NEGR1: variants seen among roughly 807,000 people sequenced by gnomAD.
NEGR1 encodes the protein neuronal growth regulator 1.
A neutral mutation model predicts 40.9 loss-of-function variants in NEGR1; 10 were observed. That is an observed-to-expected ratio of 0.24 (90% confidence interval 0.15 to 0.42). NEGR1 has a LOEUF of 0.42. NEGR1 is among the 10% of genes least tolerant of loss of function. The pLI is 1.00. For missense variants in NEGR1, 352 were observed against 438.9 expected (o/e 0.80, Z 1.77); for synonymous variants, 185 against 166.8 (o/e 1.11, Z -0.84).
chr1:71,745,490 TACA>T (rs1655352557), intron 3 of NEGR1, among the ~76,000 whole-genome samples: 2 of 152,210 alleles, frequency 1.3e-5, no homozygotes, highest in African/African-American at 4.8e-5. Flanking sequence ...GTGGGTGATC[TACA>T]ACATCACTGC....
At chr1:71,953,780 T>A (rs1174948620) in intron 1 of NEGR1, among the ~76,000 whole-genome samples, 2 of 152,012 alleles carry the variant, frequency 1.3e-5, no homozygotes, top group African/African-American at 4.8e-5. Flanking sequence ...AAGGCTCAAA[T>A]GATAATTAGC....
chr1:71,679,426 T>A (rs1007972726), intron 4 of NEGR1, among the ~76,000 whole-genome samples: 1 of 152,158 alleles, frequency 6.6e-6, no homozygotes, highest in Admixed American at 6.5e-5. Flanking sequence ...ATAATCTTTT[T>A]TATAAAAGAT....
At chr1:72,275,130 C>T in intron 1 of NEGR1, 1 of 767,324 alleles carries the variant, frequency 1.3e-6, no homozygotes, top group South Asian at 1.4e-5. Context: ...TCTTTATTTC[C>T]CGCACGTACG....
intron 1 of NEGR1, among the ~76,000 whole-genome samples, chr1:72,182,839 T>A (rs1389811253): frequency 5.0e-4 from 2 of 4,032 alleles, no homozygotes; most frequent in South Asian, 0.071. Flanking sequence ...TATATACATA[T>A]ATAGTTAATA....
At chr1:72,090,138 A>G (rs1648408205) in intron 1 of NEGR1, among the ~76,000 whole-genome samples, 1 of 152,010 alleles carries the variant, frequency 6.6e-6, no homozygotes, top group African/African-American at 2.4e-5. Context: ...TTCATTTCTT[A>G]AATATACCTA....
At chr1:71,427,766 A>G (rs1464977234) in intron 6 of NEGR1, among the ~76,000 whole-genome samples, 1 of 152,214 alleles carries the variant, frequency 6.6e-6, no homozygotes, top group African/African-American at 2.4e-5. Context: ...AATTTTGCCA[A>G]CTGTAAAATA....
At chr1:71,827,118 T>C (rs1003562843) in intron 2 of NEGR1, among the ~76,000 whole-genome samples, 1 of 151,740 alleles carries the variant, frequency 6.6e-6, no homozygotes, top group Non-Finnish European at 1.5e-5. Flanking sequence ...AAATCCAGTT[T>C]GGTATGGCTT....
intron 6 of NEGR1, chr1:71,468,765 A>G (rs1646763555): frequency 6.6e-6 from 1 of 152,042 alleles, no homozygotes; most frequent in African/African-American, 2.4e-5. Context: ...TCAAATAAAA[A>G]CTACCCAGCC....
chr1:71,459,727 A>G (rs1232347924), intron 6 of NEGR1, among the ~76,000 whole-genome samples: 2 of 152,144 alleles, frequency 1.3e-5, no homozygotes, highest in Non-Finnish European at 2.9e-5. Context: ...TGAACATCCA[A>G]ATGATTTCTT....
intron 6 of NEGR1, among the ~76,000 whole-genome samples, chr1:71,587,265 C>T (rs1007340199): frequency 6.6e-6 from 1 of 152,112 alleles, no homozygotes; most frequent in East Asian, 1.9e-4. Flanking sequence ...TCATATTCAA[C>T]AAATCAGTTG....
chr1:71,645,392 C>A (rs377671513), intron 4 of NEGR1, among the ~76,000 whole-genome samples: 3 of 151,768 alleles, frequency 2.0e-5, no homozygotes, highest in African/African-American at 7.3e-5. Context: ...AAAAGTTTAC[C>A]CTTTGAAAGC....
chr1:71,718,710 C>T (rs1654356000), intron 3 of NEGR1, among the ~76,000 whole-genome samples: 1 of 151,982 alleles, frequency 6.6e-6, no homozygotes, highest in Admixed American at 6.6e-5. Flanking sequence ...ATAAAAAAGC[C>T]TGCCATTTTT....
At position 72,084,579 on chromosome 1, in the gene NEGR1, C is replaced by G. The variant is rs150600595; in HGVS notation, c.177-149268G>C. Among the ~76,000 whole-genome samples, 8 of 152,170 alleles carry G rather than the reference C, an allele frequency of 5.3e-5. No individual in the cohort carries two copies. In the South Asian group the frequency reaches 1.0e-3, roughly 20 times the overall value. ...GTTCCATGAGGGCTGGGATTTTTGT[C>G]TAGTTTGTTCATGGCTGCACCCCAG... On this transcript the variant is annotated intron_variant, in intron 1 of 6. Coordinates refer to ENST00000357731, the MANE Select transcript of NEGR1 (RefSeq NM_173808.3).
intron 2 of NEGR1, among the ~76,000 whole-genome samples, chr1:71,908,203 A>G (rs1661330409): frequency 6.7e-6 from 1 of 148,916 alleles, no homozygotes. Flanking sequence ...AACCACAACG[A>G]AATGCCACTA....
chr1:72,267,903 C>T (rs557448403), intron 1 of NEGR1, among the ~76,000 whole-genome samples: 2 of 150,724 alleles, frequency 1.3e-5, no homozygotes, highest in South Asian at 4.2e-4. Flanking sequence ...CAGAATATGT[C>T]AAAAACTGAT....
chr1:71,707,467 C>A (rs1653938913), intron 3 of NEGR1, among the ~76,000 whole-genome samples: 1 of 152,118 alleles, frequency 6.6e-6, no homozygotes, highest in South Asian at 2.1e-4. Context: ...GTTTGAGTGC[C>A]AGCTTAGCCA....
At chr1:71,810,980 C>G (rs2101762140) in intron 2 of NEGR1, among the ~76,000 whole-genome samples, 1 of 152,228 alleles carries the variant, frequency 6.6e-6, no homozygotes, top group African/African-American at 2.4e-5. Flanking sequence ...GTATATATTT[C>G]TCAAATTTGC....
chr1:72,057,106 A>G (rs942618793), intron 1 of NEGR1, among the ~76,000 whole-genome samples: 2 of 151,562 alleles, frequency 1.3e-5, no homozygotes, highest in African/African-American at 4.8e-5. Context: ...GCAGTGCCTC[A>G]TTAGTTCTCC....
chr1:72,124,986 G>A (rs919881802), intron 1 of NEGR1, among the ~76,000 whole-genome samples: 5 of 151,804 alleles, frequency 3.3e-5, no homozygotes, highest in Admixed American at 6.6e-5. Context: ...ATTTTATGGC[G>A]TATATAAAAG....
Sources: gnomAD v4.1 joint callset for allele counts (sites outside exome capture counted in the v4.1 genomes callset) on GRCh38, gnomAD v4.1.1 for gene constraint, MANE v1.5 for transcripts, NCBI Gene and HGNC (gene_info 2026-07-23, HGNC 2026-07-21) for gene names.